The following C14orf39 variants were observed in gnomAD, a reference collection of about 807,000 sequenced individuals.
The protein encoded by C14orf39 is protein SIX6OS1.
C14orf39 carries 66 observed loss-of-function variants against 85.6 expected under a neutral mutation model. The observed-to-expected ratio is 0.77, with a 90% CI of 0.63 to 0.95. The LOEUF (loss-of-function observed/expected upper bound fraction) is 0.95, where lower values mean the gene tolerates loss of function less well. Among genes scored for constraint, C14orf39 ranks in the 40% least tolerant of loss-of-function variants. The probability of loss-of-function intolerance (pLI) is 0.00; values close to 1 mark genes in which losing one functional copy is unlikely to be tolerated. For missense variants in C14orf39, 735 were observed against 663.9 expected (o/e 1.11, Z -1.18); for synonymous variants, 242 against 214.0 (o/e 1.13, Z -1.14).
At chr14:60,492,496 C>T (rs564678327) in intron 2 of C14orf39, among the ~76,000 whole-genome samples, 18 of 151,974 alleles carry the variant, frequency 1.2e-4, no homozygotes, top group South Asian at 4.2e-4. Context: ...AGTACGGGCC[C>T]GGCGCAATGG....
At chr14:60,498,169 T>C (rs1320422404) in intron 2 of C14orf39, among the ~76,000 whole-genome samples, 5 of 152,270 alleles carry the variant, frequency 3.3e-5, no homozygotes, top group Non-Finnish European at 5.9e-5. Context: ...ATTTATAATT[T>C]CTTATACAGA....
chr14:60,478,425 G>T, intron 4 of C14orf39, 36 bp from the exon 5 acceptor site: 2 of 1,106,098 alleles, frequency 1.8e-6, no homozygotes, highest in Non-Finnish European at 2.6e-6. Flanking sequence ...TAGCAACTCA[G>T]AATGATAAAC....
chr14:60,478,388 A>C lies in C14orf39; in HGVS notation c.235T>G (p.Trp79Gly), dbSNP rs942950009. ...SEEIKDNCRN[W>G]KPTCDVFRKH... ...CGAAAAACATCACATGTTGGCTTCC[A>C]GCTATAGAAAAAAATATATTTGTAA... Residue 79 changes from tryptophan (W) to glycine (G), a missense_variant and splice_region_variant, in exon 5 of 18, where the codon TGG becomes GGG. Physicochemically the swap from Trp to Gly is radical, Grantham distance 184. Transcript: ENST00000321731. The C allele has an allele frequency of 1.3e-6, 2 of 1,543,908 alleles. No individual in the cohort carries two copies. The highest frequency in any genetic ancestry group is 2.8e-5 in the African/African-American group (2 of 71,746).
chr14:60,446,999 C>G (rs145857128), intron 16 of C14orf39, among the ~76,000 whole-genome samples: 22 of 152,106 alleles, frequency 1.4e-4, no homozygotes, highest in African/African-American at 4.6e-4. Context: ...AAATTCAACA[C>G]CCCTTCAAGC....
chr14:60,501,287 C>T (rs1338628865), intron 1 of C14orf39, among the ~76,000 whole-genome samples: 1 of 112,930 alleles, frequency 8.9e-6, no homozygotes, highest in Non-Finnish European at 1.7e-5. Context: ...TCCTGGGCAA[C>T]AGAGCAAGAC....
At chr14:60,506,812 C>T (rs910018717) in intron 1 of C14orf39, among the ~76,000 whole-genome samples, 1 of 152,228 alleles carries the variant, frequency 6.6e-6, no homozygotes, top group African/African-American at 2.4e-5. Flanking sequence ...GAGCCTCAGA[C>T]ACGCAGAAGC....
chr14:60,483,738 A>G lies in C14orf39; in HGVS notation c.186T>C (p.Ile62=), dbSNP rs749243114. The change falls in exon 4 of 18, where the codon ATT becomes ATC. Residue 62 remains isoleucine (I), a synonymous_variant. Transcript: ENST00000321731. ...CCTCACTATGTTTACAGTAATGATC[A>G]ATTTCCTCATCTGTTGCATTTATAG... ...HETINATDEE[I]DHYCKHSEEI... 17 of 1,597,020 alleles carry G rather than the reference A, an allele frequency of 1.1e-5. No homozygotes were observed. Among genetic ancestry groups the G allele is most frequent in the Non-Finnish European group, 1.5e-5 (17 of 1,167,004 alleles).
chr14:60,510,182 G>A (rs893642398), intron 1 of C14orf39, among the ~76,000 whole-genome samples: 1 of 152,096 alleles, frequency 6.6e-6, no homozygotes, highest in Non-Finnish European at 1.5e-5. Flanking sequence ...CACGCCTGCG[G>A]GCAGCTGCAG....
At chr14:60,502,646 T>TAAAGGA (rs912957993) in intron 1 of C14orf39, among the ~76,000 whole-genome samples, 11 of 152,238 alleles carry the variant, frequency 7.2e-5, no homozygotes, top group Admixed American at 2.6e-4. Flanking sequence ...AATCTGCTGT[T>TAAAGGA]AAAGGAAATA....
chr14:60,458,698 C>T lies in C14orf39; in HGVS notation c.1159G>A (p.Glu387Lys). 6.2e-7 allele frequency: 1 copy of T among 1,602,410 alleles called. No individual in the cohort carries two copies. The highest frequency in any genetic ancestry group is 1.3e-5 in the African/African-American group (1 of 74,584). Residue 387 changes from glutamate (E) to lysine (K), a missense_variant, in exon 14 of 18, where the codon GAA becomes AAA. Glu to Lys is a moderately conservative substitution (Grantham distance 56). Transcript: ENST00000321731. ...GDKGTVRQVR[E>K]SKCTSQAIYT... Reference sequence around the variant, plus strand: ...CTTACTTGTGAAGTACATTTTGATTCTCTTACTTGTCTTACTGTCCCTTTA... The same window carrying T: ...CTTACTTGTGAAGTACATTTTGATTTTCTTACTTGTCTTACTGTCCCTTTA...
At chr14:60,458,620 C>T (rs1891383504) in intron 14 of C14orf39, 58 bp downstream of exon 14, 1 of 1,200,304 alleles carries the variant, frequency 8.3e-7, no homozygotes, top group Admixed American at 1.8e-5. Flanking sequence ...TTTAAATAGA[C>T]ATAATATTTT....
At chr14:60,471,518 C>G in intron 6 of C14orf39, 34 bp downstream of exon 6, 2 of 1,567,792 alleles carry the variant, frequency 1.3e-6, no homozygotes, top group Non-Finnish European at 1.7e-6. Context: ...ACAAAGATAT[C>G]ATAATTAAAA....
chr14:60,457,260 T>A (rs1295820689), intron 14 of C14orf39, among the ~76,000 whole-genome samples, 165 bp from the exon 15 acceptor site: 2 of 152,014 alleles, frequency 1.3e-5, no homozygotes. Flanking sequence ...CTAAAACATA[T>A]ATCAAAATAT....
chr14:60,479,219 T>TCC (rs1178001279), intron 4 of C14orf39, among the ~76,000 whole-genome samples: 3 of 152,192 alleles, frequency 2.0e-5, no homozygotes, highest in African/African-American at 7.2e-5. Flanking sequence ...GAGCTTATCC[T>TCC]CCTTTATCAC....
At chr14:60,456,735 T>A (rs1351478502) in intron 15 of C14orf39, among the ~76,000 whole-genome samples, 182 bp downstream of exon 15, 1 of 152,084 alleles carries the variant, frequency 6.6e-6, no homozygotes, top group Non-Finnish European at 1.5e-5. Context: ...GTATTAATAA[T>A]TGTTAAAACA....
chr14:60,446,992 T>G (rs1890795106), intron 16 of C14orf39, among the ~76,000 whole-genome samples: 1 of 152,086 alleles, frequency 6.6e-6, no homozygotes, highest in Admixed American at 6.5e-5. Context: ...TTTGACAAAA[T>G]TCAACACCCC....
In C14orf39 at chr14:60,484,379, C is replaced by A. The variant is rs374887537; in HGVS notation, c.106+502G>T. Among the ~76,000 whole-genome samples the A allele has an allele frequency of 5.9e-5, 9 of 151,972 alleles. No individual in the cohort carries two copies. Among genetic ancestry groups the A allele is most frequent in the East Asian group, 3.9e-4 (2 of 5,190 alleles). The stretch of plus-strand genomic sequence containing the variant: ...ATAACCAAACTCTACCTTTTCAGAA[C>A]GATGAAGAAATTTAGAACTCTATTT... On this transcript the variant is annotated intron_variant, in intron 3 of 17. Coordinates refer to ENST00000321731, the MANE Select transcript of C14orf39 (RefSeq NM_174978.3). This position sits in a 1 kb window ranked among gnomAD's most constrained non-coding sequence, Gnocchi z 4.2.
At position 60,491,687 on chromosome 14, in the gene C14orf39, T is replaced by C. The variant is rs1169073500; in HGVS notation, c.-8-6601A>G. 1.3e-5 allele frequency among the ~76,000 whole-genome samples: 2 copies of C among 152,200 alleles called. No homozygotes were observed. Among genetic ancestry groups the C allele is most frequent in the African/African-American group, 4.8e-5 (2 of 41,456 alleles). ...TTTCAGCTGCCGCCATCTAAATTCATTCTCTCACCTGGATTATTGTACTAA... is the reference window on the plus strand; with the variant it reads ...TTTCAGCTGCCGCCATCTAAATTCACTCTCTCACCTGGATTATTGTACTAA... On this transcript the variant is annotated intron_variant, in intron 2 of 5. Coordinates refer to the C14orf39 transcript ENST00000556799. This position sits in a 1 kb window ranked among gnomAD's most constrained non-coding sequence, Gnocchi z 4.5.
At chr14:60,483,654 A>T in intron 4 of C14orf39, 37 bp downstream of exon 4, 1 of 1,551,502 alleles carries the variant, frequency 6.4e-7, no homozygotes, top group Non-Finnish European at 8.7e-7. Context: ...CCCTAAATAA[A>T]AGAATGCAAT....
Sources: allele counts gnomAD v4.1 joint callset (sites outside exome capture counted in the v4.1 genomes callset), GRCh38; gene constraint gnomAD v4.1.1; non-coding constraint Gnocchi (gnomAD v3.1); transcripts MANE v1.5; gene names NCBI Gene and HGNC (gene_info 2026-07-23, HGNC 2026-07-21).